GRID2: variants seen among roughly 807,000 people sequenced by gnomAD.
GRID2 encodes glutamate ionotropic receptor delta type subunit 2, also known as glutamate receptor ionotropic, delta-2.
GRID2 carries 33 observed loss-of-function variants against 114.8 expected under a neutral mutation model. The observed-to-expected ratio is 0.29, with a 90% CI of 0.22 to 0.38. The LOEUF is 0.38. Ranked by LOEUF, GRID2 falls within the 10% of genes least tolerant of loss-of-function variation. The pLI is 1.00. For synonymous variants in GRID2, 505 were observed against 449.9 expected (o/e 1.12, Z -1.55); for missense variants, 1,184 against 1,257.7 (o/e 0.94, Z 0.89).
rs1005451384 is a variant in GRID2 at position 92,373,058 on chromosome 4, T to A, written c.88+68314T>A. 6.6e-5 allele frequency among the ~76,000 whole-genome samples: 10 copies of A among 152,144 alleles called. No homozygotes were observed. In the South Asian group the frequency reaches 2.1e-3, roughly 32 times the overall value. On this transcript the variant is annotated intron_variant, in intron 1 of 15. Coordinates refer to ENST00000282020, the MANE Select transcript of GRID2 (RefSeq NM_001510.4). ...AATAGGTGCTTCAGCCAGAGAGTGT[T>A]AGAAAGGACGTATTATAGGATACAG...
At chr4:93,122,097 T>C (rs1733830464) in intron 4 of GRID2, among the ~76,000 whole-genome samples, 1 of 152,182 alleles carries the variant, frequency 6.6e-6, no homozygotes, top group African/African-American at 2.4e-5. Flanking sequence ...AGTTCTTATT[T>C]GTAATGTAGT....
intron 7 of GRID2, 74 bp from the exon 8 acceptor site, chr4:93,238,297 G>T: frequency 9.2e-7 from 1 of 1,083,272 alleles, no homozygotes; most frequent in Admixed American, 2.4e-5. Context: ...AGAGTTCCTA[G>T]AAGTTCCTTT....
chr4:93,288,214 C>T (rs149792840), intron 8 of GRID2, among the ~76,000 whole-genome samples: 3 of 152,156 alleles, frequency 2.0e-5, no homozygotes, highest in African/African-American at 7.2e-5. Context: ...GCATCAACAG[C>T]TTGAAATTAT....
intron 1 of GRID2, among the ~76,000 whole-genome samples, chr4:92,353,952 A>G (rs1038853098): frequency 6.6e-6 from 1 of 151,992 alleles, no homozygotes; most frequent in African/African-American, 2.4e-5. Context: ...CTTTTGCCTC[A>G]GGCATCCGCA....
chr4:93,717,988 A>T (rs1729047896), intron 14 of GRID2, among the ~76,000 whole-genome samples: 1 of 152,140 alleles, frequency 6.6e-6, no homozygotes, highest in African/African-American at 2.4e-5. Flanking sequence ...GGGTGCGGTG[A>T]CTTACGCCTG....
chr4:93,765,992 C>T lies in GRID2; in HGVS notation c.2361-3218C>T, dbSNP rs115351371. On this transcript the variant is annotated intron_variant, in intron 14 of 15. Transcript: ENST00000282020. ...GAATAAATTAGAAAACAGCATCAAT[C>T]GTAAGAAAAAAGAATAGGATCTGAT... Among the ~76,000 whole-genome samples the T allele has an allele frequency of 4.0e-3, 615 of 151,970 alleles. 3 individuals carry two copies. The highest frequency in any genetic ancestry group is 0.014 in the African/African-American group (585 of 41,478).
chr4:93,498,197 A>G (rs1287416043), intron 12 of GRID2, among the ~76,000 whole-genome samples: 1 of 151,836 alleles, frequency 6.6e-6, no homozygotes. Flanking sequence ...GAAGTCCAAT[A>G]TCAAGGTGCC....
intron 2 of GRID2, among the ~76,000 whole-genome samples, chr4:92,858,885 A>G (rs553653299): frequency 2.6e-5 from 4 of 152,152 alleles, no homozygotes; most frequent in Non-Finnish European, 5.9e-5. Flanking sequence ...GGAATAAATA[A>G]GAGGTTTTAA....
intron 2 of GRID2, among the ~76,000 whole-genome samples, chr4:92,723,734 G>A (rs940381230): frequency 7.2e-5 from 11 of 152,066 alleles, no homozygotes; most frequent in African/African-American, 2.7e-4. Context: ...CCCTGGTTCT[G>A]CTAATATAAG....
At chr4:92,897,068 C>T (rs1485120802) in intron 2 of GRID2, among the ~76,000 whole-genome samples, 4 of 152,034 alleles carry the variant, frequency 2.6e-5, no homozygotes, top group African/African-American at 7.2e-5. Context: ...TTATGACCCT[C>T]CTGTTTGCTG....
intron 14 of GRID2, among the ~76,000 whole-genome samples, chr4:93,708,626 G>A (rs1056263599): frequency 1.3e-5 from 2 of 151,488 alleles, no homozygotes; most frequent in Non-Finnish European, 1.5e-5. Flanking sequence ...ATTTATCCAC[G>A]CTATGTCTTT....
At position 93,110,929 on chromosome 4, in the gene GRID2, T is replaced by C; in HGVS notation, c.711T>C (p.Ala237=). 1 of 1,610,414 alleles carries C rather than the reference T, an allele frequency of 6.2e-7. No individual in the cohort carries two copies. Among genetic ancestry groups the C allele is most frequent in the Non-Finnish European group, 8.5e-7 (1 of 1,176,570 alleles). ...GAGCGATCCTTGTTATGAATCCTGC[T>C]ACAGCCAAATCCTTCATTACTGAGG... is the stretch of plus-strand genomic sequence containing the variant. ...LRRAILVMNP[A]TAKSFITEVV... The change falls in exon 4 of 16, where the codon GCT becomes GCC. Residue 237 remains alanine, a synonymous_variant. Coordinates refer to ENST00000282020, the MANE Select transcript of GRID2 (RefSeq NM_001510.4).
intron 1 of GRID2, among the ~76,000 whole-genome samples, chr4:93,801,290 A>T (rs1734922524): frequency 6.6e-6 from 1 of 152,098 alleles, no homozygotes; most frequent in Non-Finnish European, 1.5e-5. Context: ...CCTGAGCAAA[A>T]GTTAAATTTA....
chr4:92,376,600 T>C (rs1169440131), intron 1 of GRID2, among the ~76,000 whole-genome samples: 1 of 152,170 alleles, frequency 6.6e-6, no homozygotes, highest in Non-Finnish European at 1.5e-5. Flanking sequence ...GTGGGGGCTC[T>C]GACCCCACAT....
chr4:92,693,419 G>A lies in GRID2; in HGVS notation c.244+103133G>A, dbSNP rs192876778. On this transcript the variant is annotated intron_variant, in intron 2 of 15. Transcript: ENST00000282020. ...ATTTCATTTGTGCAGTTTTGCATCT[G>A]TTTTTCCAGTTTTCCACTTTGTTGG... 1.1e-3 allele frequency among the ~76,000 whole-genome samples: 163 copies of A among 152,268 alleles called. 1 individual carries two copies. Among genetic ancestry groups the A allele is most frequent in the African/African-American group, 3.7e-3 (155 of 41,544 alleles).
At chr4:93,368,922 A>G (rs1186638209) in intron 8 of GRID2, among the ~76,000 whole-genome samples, 2 of 152,186 alleles carry the variant, frequency 1.3e-5, no homozygotes, top group Non-Finnish European at 2.9e-5. Context: ...AGAGAGAGAA[A>G]GTTTTAGTTA....
chr4:93,463,882 G>A (rs908619979), intron 11 of GRID2, among the ~76,000 whole-genome samples: 7 of 152,008 alleles, frequency 4.6e-5, no homozygotes, highest in African/African-American at 7.2e-5. Context: ...CCAGCTACTC[G>A]GGAGGCTGAG....
At chr4:92,622,533 T>C (rs1342773330) in intron 2 of GRID2, among the ~76,000 whole-genome samples, 1 of 151,764 alleles carries the variant, frequency 6.6e-6, no homozygotes, top group African/African-American at 2.4e-5. Context: ...TTTGGAATAA[T>C]ACTATTTTTT....
At chr4:93,511,193 T>G (rs1018289613) in intron 12 of GRID2, among the ~76,000 whole-genome samples, 1 of 152,108 alleles carries the variant, frequency 6.6e-6, no homozygotes, top group African/African-American at 2.4e-5. Flanking sequence ...CACCTCAGCC[T>G]CCCAAAGTGC....
Sources: gnomAD v4.1 joint callset for allele counts (sites outside exome capture counted in the v4.1 genomes callset) on GRCh38, gnomAD v4.1.1 for gene constraint, MANE v1.5 for transcripts, NCBI Gene and HGNC (gene_info 2026-07-23, HGNC 2026-07-21) for gene names.